XKR6: variants seen among roughly 807,000 people sequenced by gnomAD.
XKR6 encodes XK-related protein 6.
XKR6 carries 22 observed loss-of-function variants against 56.7 expected under a neutral mutation model. The ratio of observed to expected loss-of-function variants is 0.39; its 90% CI spans 0.28 to 0.55. The LOEUF (loss-of-function observed/expected upper bound fraction) is 0.55. Ranked by LOEUF, XKR6 falls within the 20% of genes least tolerant of loss-of-function variation. The pLI, the probability that XKR6 is intolerant of heterozygous loss-of-function variation, is 0.66. For synonymous variants in XKR6, 524 were observed against 387.8 expected, an observed-to-expected ratio of 1.35 and a Z score of -4.13; for missense variants, 852 against 889.0, an observed-to-expected ratio of 0.96 and a Z score of 0.53.
intron 1 of XKR6, among the ~76,000 whole-genome samples, chr8:11,115,847 T>C (rs146315861): frequency 6.6e-6 from 1 of 152,340 alleles, no homozygotes; most frequent in Non-Finnish European, 1.5e-5. Flanking sequence ...AATAAATACA[T>C]TTCTGAGTTG....
At chr8:10,944,506 C>A (rs1183200495) in intron 1 of XKR6, among the ~76,000 whole-genome samples, 1 of 152,184 alleles carries the variant, frequency 6.6e-6, no homozygotes, top group Admixed American at 6.5e-5. Context: ...GCAGGGTGCC[C>A]CACACCCACA....
At chr8:11,091,493 G>C (rs1016528287) in intron 1 of XKR6, among the ~76,000 whole-genome samples, 4 of 150,590 alleles carry the variant, frequency 2.7e-5, no homozygotes, top group Admixed American at 6.6e-5. Flanking sequence ...AAAAGAAAAA[G>C]AAAAGAAAAC....
chr8:10,965,236 G>C (rs1388163048), intron 1 of XKR6, among the ~76,000 whole-genome samples: 2 of 152,198 alleles, frequency 1.3e-5, no homozygotes, highest in Non-Finnish European at 2.9e-5. Flanking sequence ...TCCCAGTTCG[G>C]CTCATCTGAG....
intron 1 of XKR6, among the ~76,000 whole-genome samples, chr8:11,095,717 G>A (rs1051039363): frequency 1.3e-5 from 2 of 152,144 alleles, no homozygotes; most frequent in Non-Finnish European, 2.9e-5. Flanking sequence ...GCTTATGGAA[G>A]GTCTTTTTCA....
intron 1 of XKR6, among the ~76,000 whole-genome samples, chr8:11,144,009 C>G (rs1164852780): frequency 6.6e-6 from 1 of 152,066 alleles, no homozygotes; most frequent in Non-Finnish European, 1.5e-5. Context: ...CCTGGGGTCT[C>G]TCCCTCTTCT....
intron 1 of XKR6, among the ~76,000 whole-genome samples, chr8:11,047,965 C>G (rs771313332): frequency 6.6e-6 from 1 of 152,098 alleles, no homozygotes; most frequent in Non-Finnish European, 1.5e-5. Context: ...GAGGAGTTAC[C>G]TGCTTTGCCA....
intron 1 of XKR6, among the ~76,000 whole-genome samples, chr8:10,954,837 G>A (rs1186639122): frequency 7.5e-6 from 1 of 132,490 alleles, no homozygotes; most frequent in Non-Finnish European, 1.6e-5. Context: ...TTTTTTGTAT[G>A]ATGTAAGGTA....
At chr8:10,902,990 C>G (rs1482312374) in intron 2 of XKR6, among the ~76,000 whole-genome samples, 1 of 152,198 alleles carries the variant, frequency 6.6e-6, no homozygotes, top group Non-Finnish European at 1.5e-5. Flanking sequence ...CTGAGTCAAT[C>G]CCTGAGAAGA....
intron 1 of XKR6, among the ~76,000 whole-genome samples, chr8:11,131,290 T>C (rs542041790): frequency 2.0e-5 from 3 of 152,164 alleles, no homozygotes; most frequent in African/African-American, 7.2e-5. Flanking sequence ...TGGTTCTTAA[T>C]CTGGATTATG....
chr8:11,011,666 G>C (rs58810357), intron 1 of XKR6, among the ~76,000 whole-genome samples: 4 of 152,090 alleles, frequency 2.6e-5, no homozygotes, highest in Non-Finnish European at 5.9e-5. Context: ...GAAGGATAGA[G>C]CAGGGAAAGG....
intron 1 of XKR6, among the ~76,000 whole-genome samples, chr8:11,074,494 A>ACCGGGCACTGG: frequency 6.6e-6 from 1 of 152,200 alleles, no homozygotes; most frequent in South Asian, 2.1e-4. Context: ...CTGGCCAGAT[A>ACCGGGCACTGG]CCAGACACTA....
Position 10,896,437 on chromosome 8 carries a change from G to C in XKR6, c.*1515C>G, listed in dbSNP as rs569712782. On this transcript the variant is annotated 3_prime_UTR_variant, in exon 3 of 3. Coordinates refer to ENST00000416569, the MANE Select transcript of XKR6 (RefSeq NM_173683.4). ...ACTTCCCCACCACTCCAGAGCCCCCGCCCCCATGCTCTGCTGAACCAAGCC... is the reference window on the plus strand; with the variant it reads ...ACTTCCCCACCACTCCAGAGCCCCCCCCCCCATGCTCTGCTGAACCAAGCC... The C allele has an allele frequency of 1.3e-5, 2 of 152,330 alleles. No homozygotes were observed. The highest frequency in any genetic ancestry group is 3.9e-4 in the East Asian group (2 of 5,174). 9.4% of individuals were successfully genotyped at this position (152,330 alleles called of 1,614,324 possible).
At chr8:11,023,825 C>A (rs57048767) in intron 1 of XKR6, among the ~76,000 whole-genome samples, 4,060 of 152,308 alleles carry the variant, frequency 0.027, 187 homozygotes, top group African/African-American at 0.092. Context: ...AACCCTGTGC[C>A]TCTCTATGCC....
intron 1 of XKR6, among the ~76,000 whole-genome samples, chr8:11,009,966 A>T (rs1353305227): frequency 2.0e-5 from 3 of 152,200 alleles, no homozygotes; most frequent in Non-Finnish European, 4.4e-5. Context: ...AAATAAAATA[A>T]TTGTATTAGT....
At chr8:11,173,572 G>C (rs1802495558) in intron 1 of XKR6, among the ~76,000 whole-genome samples, 1 of 152,046 alleles carries the variant, frequency 6.6e-6, no homozygotes, top group African/African-American at 2.4e-5. Context: ...GTGTGCTTGG[G>C]TTTCCACATC....
At chr8:11,077,784 G>A (rs1800312545) in intron 1 of XKR6, among the ~76,000 whole-genome samples, 1 of 152,150 alleles carries the variant, frequency 6.6e-6, no homozygotes. Flanking sequence ...GGTCCCCATG[G>A]CAACCGCTCC....
chr8:11,118,167 C>A (rs1229065556), intron 1 of XKR6, among the ~76,000 whole-genome samples: 1 of 152,158 alleles, frequency 6.6e-6, no homozygotes, highest in Non-Finnish European at 1.5e-5. Context: ...AACCACAATA[C>A]AGTACTACTC....
At chr8:11,149,613 TA>T (rs879750174) in intron 1 of XKR6, among the ~76,000 whole-genome samples, 202 of 144,928 alleles carry the variant, frequency 1.4e-3, no homozygotes, top group Admixed American at 1.8e-3. Context: ...TGCTTCACGT[TA>T]AAAAAAAAAA....
intron 2 of XKR6, among the ~76,000 whole-genome samples, chr8:10,902,338 T>C (rs1800058240): frequency 6.6e-6 from 1 of 152,278 alleles, no homozygotes; most frequent in Admixed American, 6.5e-5. Flanking sequence ...AAACCTTCTA[T>C]CTAGGGGAGC....
Sources: allele counts gnomAD v4.1 joint callset (sites outside exome capture counted in the v4.1 genomes callset), GRCh38; gene constraint gnomAD v4.1.1; transcripts MANE v1.5; gene names NCBI Gene and HGNC (gene_info 2026-07-23, HGNC 2026-07-21).